Variants in TLE2 observed in about 807,000 individuals in gnomAD.
TLE2 encodes the protein transducin-like enhancer protein 2.
In TLE2, 74 loss-of-function variants were observed where a neutral mutation model predicts 97.2. The ratio of observed to expected loss-of-function variants is 0.76; its 90% CI spans 0.63 to 0.92. The LOEUF (loss-of-function observed/expected upper bound fraction) is 0.92, where lower values mean the gene tolerates loss of function less well. Ranked by LOEUF, TLE2 falls within the 40% of genes least tolerant of loss-of-function variation. The pLI, the probability that TLE2 is intolerant of heterozygous loss-of-function variation, is 0.00. For missense variants in TLE2, 1,038 were observed against 1,008.7 expected (o/e 1.03, Z -0.39); for synonymous variants, 499 against 432.1 (o/e 1.15, Z -1.92).
upstream of TLE2, chr19:3,045,938 C>A (rs564970851): frequency 6.8e-5 from 20 of 294,058 alleles, no homozygotes; most frequent in East Asian, 1.8e-3. Flanking sequence ...AAAACAGACC[C>A]TCCTTCAGAG....
intron 10 of TLE2, 35 bp from the exon 11 acceptor site, chr19:3,013,853 A>C (rs2145156611): frequency 1.4e-6 from 2 of 1,461,284 alleles, no homozygotes; most frequent in East Asian, 5.4e-5. Flanking sequence ...GCAGAGTTGA[A>C]ATGAGAGGGA....
At chr19:3,015,058 C>CA (rs34658846) in intron 9 of TLE2, among the ~76,000 whole-genome samples, 38,436 of 130,116 alleles carry the variant, frequency 0.3, 6,332 homozygotes, top group South Asian at 0.46. Flanking sequence ...AATTCATTGC[C>CA]AAAAAAAAAA....
In TLE2 at chr19:3,000,720, C is replaced by T. The variant is rs1421186102; in HGVS notation, c.2051G>A (p.Arg684Gln). 10 of 1,583,350 alleles carry T rather than the reference C, an allele frequency of 6.3e-6. No homozygotes were observed. Among genetic ancestry groups the T allele is most frequent in the Admixed American group, 1.8e-5 (1 of 55,136 alleles). Reference protein sequence around the residue: ...VLSLKFASCGRWFVSTGKDNL... With the variant: ...VLSLKFASCGQWFVSTGKDNL... The stretch of plus-strand genomic sequence containing the variant: ...GTCCTTCCCGGTGCTCACAAACCAC[C>T]GTCCTTGGGGAAGGAGAGCAGCAGG... Residue 684 changes from arginine to glutamine, a missense_variant, in exon 19 of 20, where the codon CGG (arginine) becomes CAG (glutamine). Physicochemically the swap from Arg to Gln is conservative, Grantham distance 43. Coordinates refer to ENST00000262953, the MANE Select transcript of TLE2 (RefSeq NM_003260.5).
At chr19:3,008,844 C>G in intron 14 of TLE2, 25 bp downstream of exon 14, 1 of 1,521,384 alleles carries the variant, frequency 6.6e-7, no homozygotes, top group Non-Finnish European at 8.8e-7. Flanking sequence ...GGACCCCAGG[C>G]AGGGAGCCCC....
chr19:3,017,108 C>G (rs970769216), intron 8 of TLE2, among the ~76,000 whole-genome samples: 1 of 151,448 alleles, frequency 6.6e-6, no homozygotes, highest in Admixed American at 6.6e-5. Context: ...GGAAACCGGG[C>G]TATGGATCTT....
At chr19:3,018,691 T>C (rs818436) in intron 7 of TLE2, among the ~76,000 whole-genome samples, 4 of 151,834 alleles carry the variant, frequency 2.6e-5, no homozygotes, top group African/African-American at 7.3e-5. Context: ...CTTGGCTCAC[T>C]GCAACCTCCG....
chr19:3,008,600 G>C (rs537804968), intron 14 of TLE2, among the ~76,000 whole-genome samples: 1 of 152,026 alleles, frequency 6.6e-6, no homozygotes, highest in African/African-American at 2.4e-5. Flanking sequence ...ACAGGTGCCC[G>C]CCACCACGTC....
chr19:3,039,158 G>A (rs575808238), intron 1 of TLE2, among the ~76,000 whole-genome samples: 5 of 150,488 alleles, frequency 3.3e-5, no homozygotes, highest in East Asian at 1.9e-4. Flanking sequence ...AGGTTGCAGT[G>A]AGCTGAGACC....
rs1316750849 is a variant in TLE2 at position 3,009,618 on chromosome 19, G to A, written c.1097C>T (p.Ser366Phe). 1.2e-6 allele frequency: 2 copies of A among 1,613,400 alleles called. No homozygotes were observed. The highest frequency in any genetic ancestry group is 1.7e-5 in the Admixed American group (1 of 59,936). ...GSHSTLNGDL[S>F]VPSSYVSLHL... Reference sequence around the variant, plus strand: ...GAGGCTGACGTAGGAGCTGGGCACGGAGAGGTCTCCGTTGAGAGTGCTGTG... The same window carrying A: ...GAGGCTGACGTAGGAGCTGGGCACGAAGAGGTCTCCGTTGAGAGTGCTGTG... The change falls in exon 13 of 20, where the codon TCC (serine) becomes TTC (phenylalanine). Residue 366 changes from serine (S) to phenylalanine (F), a missense_variant. Coordinates refer to ENST00000262953, the MANE Select transcript of TLE2 (RefSeq NM_003260.5).
rs375354757 is a variant in TLE2 at position 2,997,970 on chromosome 19, G to A, written c.2125-15C>T. 12 of 1,594,218 alleles carry A rather than the reference G, an allele frequency of 7.5e-6. No homozygotes were observed. The East Asian group carries it at 2.0e-4, about 27-fold the overall frequency. On this transcript the variant is annotated splice_polypyrimidine_tract_variant and intron_variant, in intron 19 of 19. Transcript: ENST00000262953. Reference sequence around the variant, plus strand: ...GACTCCTTGGACTGCCAAGGGAAGGGAGAGAGAAAAGGGCACAGTGAGGCA... The same window carrying A: ...GACTCCTTGGACTGCCAAGGGAAGGAAGAGAGAAAAGGGCACAGTGAGGCA...
intron 14 of TLE2, 53 bp from the exon 15 acceptor site, chr19:3,006,722 C>CGCACCT (rs2089488504): frequency 1.3e-6 from 2 of 1,522,746 alleles, no homozygotes; most frequent in African/African-American, 2.7e-5. Flanking sequence ...CCCCCGCACC[C>CGCACCT]GCACCTGGGA....
upstream of TLE2, chr19:3,029,295 T>G (rs2145215829): frequency 5.0e-6 from 1 of 199,798 alleles, no homozygotes; most frequent in East Asian, 2.1e-4. Context: ...AGCCGCGGGC[T>G]GAGCCGCCTT....
chr19:3,000,647 C>T lies in TLE2; in HGVS notation c.2124G>A (p.Gln708=), dbSNP rs887592178. The T allele has an allele frequency of 1.9e-6, 3 of 1,583,586 alleles. No homozygotes were observed. The highest frequency in any genetic ancestry group is 2.6e-6 in the Non-Finnish European group (3 of 1,165,428). ...GTGGGGGCTCCAGACCGCCGAGTAC[C>T]TGGAAAATGCTGGCCCCGTACGGCG... is the stretch of plus-strand genomic sequence containing the variant. The part of the protein sequence containing the change: ...WRTPYGASIF[Q]SKESSSVLSC... The change falls in exon 19 of 20, where the codon CAG becomes CAA. Residue 708 remains glutamine (Q), a splice_region_variant and synonymous_variant. Coordinates refer to ENST00000262953, the MANE Select transcript of TLE2 (RefSeq NM_003260.5).
chr19:3,039,864 G>A (rs2090087416), intron 1 of TLE2, among the ~76,000 whole-genome samples: 1 of 152,198 alleles, frequency 6.6e-6, no homozygotes, highest in African/African-American at 2.4e-5. Context: ...TGTCACTGAT[G>A]TGCAAGCCTG....
chr19:3,027,809 C>CGTAA lies in TLE2; in HGVS notation c.231+16_231+19dup, dbSNP rs1555694189. On this transcript the variant is annotated intron_variant, in intron 4 of 19. Transcript: ENST00000262953. ...ACCCCCACCCTCCCTCCTGAACACG[C>CGTAA]GTAACCCCAACCCAGTTACCTGCTT... is the stretch of plus-strand genomic sequence containing the variant. The CGTAA allele has an allele frequency of 1.2e-6, 2 of 1,609,206 alleles. No individual in the cohort carries two copies. The highest frequency in any genetic ancestry group is 1.7e-4 in the Middle Eastern group (1 of 6,058).
chr19:3,010,130 G>T (rs888615942), intron 12 of TLE2, among the ~76,000 whole-genome samples: 2 of 151,524 alleles, frequency 1.3e-5, no homozygotes, highest in African/African-American at 4.9e-5. Context: ...TTGGGAGGCC[G>T]AGGTGGGCGG....
intron 4 of TLE2, among the ~76,000 whole-genome samples, chr19:3,026,592 T>A (rs539906811): frequency 2.3e-4 from 34 of 147,366 alleles, no homozygotes; most frequent in African/African-American, 8.8e-4. Context: ...GGTCTATCTC[T>A]GAACCCTGAG....
At chr19:3,045,978 G>A (rs929599091), upstream of TLE2, among the ~76,000 whole-genome samples, 2 of 152,192 alleles carry the variant, frequency 1.3e-5, no homozygotes, top group Non-Finnish European at 2.9e-5. Context: ...AATTTTCACT[G>A]TACCACTCAA....
chr19:3,010,650 T>C (rs10408740), intron 12 of TLE2, among the ~76,000 whole-genome samples: 35,796 of 152,014 alleles, frequency 0.24, 4,353 homozygotes, highest in Admixed American at 0.25. Flanking sequence ...CTGTCATTCC[T>C]CAGATTACTG....
Sources: allele counts gnomAD v4.1 joint callset (sites outside exome capture counted in the v4.1 genomes callset), GRCh38; gene constraint gnomAD v4.1.1; transcripts MANE v1.5; gene names NCBI Gene and HGNC (gene_info 2026-07-23, HGNC 2026-07-21).